The following TMEM62 variants were observed in gnomAD, a reference collection of about 807,000 sequenced individuals.
The protein encoded by TMEM62 is transmembrane protein 62.
TMEM62 carries 41 observed loss-of-function variants against 70.4 expected under a neutral mutation model. That is an observed-to-expected ratio of 0.58 (90% confidence interval 0.45 to 0.76). The LOEUF is 0.76. Among genes scored for constraint, TMEM62 ranks in the 30% least tolerant of loss-of-function variants. The pLI, the probability that TMEM62 is intolerant of heterozygous loss-of-function variation, is 0.00. For synonymous variants in TMEM62, 268 were observed against 291.0 expected (o/e 0.92, Z 0.80); for missense variants, 688 against 788.5 (o/e 0.87, Z 1.53).
intron 10 of TMEM62, among the ~76,000 whole-genome samples, chr15:43,163,511 G>A (rs185282976): frequency 5.9e-5 from 9 of 152,100 alleles, no homozygotes; most frequent in East Asian, 1.9e-4. Context: ...GGCCGGGCTC[G>A]GTGGCTCAAG....
rs546434659 is a variant in TMEM62 at position 43,133,973 on chromosome 15, G to A, written c.171G>A (p.Trp57Ter). Reference sequence around the variant, plus strand: ...GGCCCGGAGACAGCAACATCTTCTGGGGCCTGCAGGTGACGCGGCGGGAAG... The same window carrying A: ...GGCCCGGAGACAGCAACATCTTCTGAGGCCTGCAGGTGACGCGGCGGGAAG... ...APGPGDSNIF[W>*]GLQISDIHLS... Residue 57 changes from tryptophan to a stop codon, truncating the protein, a stop_gained, in exon 1 of 14, where the codon TGG becomes TGA. Coordinates refer to ENST00000260403, the MANE Select transcript of TMEM62 (RefSeq NM_024956.4). LOFTEE classifies it high-confidence loss of function. The A allele has an allele frequency of 2.1e-6, 3 of 1,446,880 alleles. No homozygotes were observed. Among genetic ancestry groups the A allele is most frequent in the African/African-American group, 2.9e-5 (2 of 69,350 alleles). 89.6% of individuals were successfully genotyped at this position (1,446,880 alleles called of 1,614,324 possible). A position where few individuals can be genotyped will look rare whatever the true frequency, so the allele number is the denominator to read the frequency against.
chr15:43,175,598 G>A (rs1268019634), intron 11 of TMEM62, among the ~76,000 whole-genome samples: 1 of 152,202 alleles, frequency 6.6e-6, no homozygotes, highest in Non-Finnish European at 1.5e-5. Flanking sequence ...TTTTGGCACT[G>A]TATTTTAAAA....
Position 43,146,561 on chromosome 15 carries a change from C to T in TMEM62, c.545C>T (p.Ser182Leu), listed in dbSNP as rs748241104. The change falls in exon 5 of 14, where the codon TCG (serine) becomes TTG (leucine). Residue 182 changes from serine (S) to leucine (L), a missense_variant. Transcript: ENST00000260403. ...YVHSTPFGNY[S>L]FICVDATVNP... ...CACAGTACTCCCTTTGGCAACTATT[C>T]GTTCATCTGTGTAGATGCCACTGTA... 15 of 1,613,540 alleles carry T rather than the reference C, an allele frequency of 9.3e-6. No homozygotes were observed. Among genetic ancestry groups the T allele is most frequent in the South Asian group, 3.3e-5 (3 of 91,062 alleles).
At chr15:43,166,782 T>A (rs1398576456) in intron 10 of TMEM62, among the ~76,000 whole-genome samples, 1 of 152,170 alleles carries the variant, frequency 6.6e-6, no homozygotes, top group Non-Finnish European at 1.5e-5. Context: ...ACAAAGCACA[T>A]CTTGCACCGC....
chr15:43,154,826 G>A lies in TMEM62; in HGVS notation c.1177G>A (p.Val393Ile), dbSNP rs755498179. Residue 393 changes from valine to isoleucine, a missense_variant, in exon 9 of 14, where the codon GTC becomes ATC. Val to Ile is a conservative substitution (Grantham distance 29). Transcript: ENST00000260403. ...SSGTHNIEVI[V>I]QDSAGRSKSV... ...TGGGACACATAACATAGAAGTAATC[G>A]TCCAGGTAAGTTAGTAATTTATATT... 162 of 1,597,468 alleles carry A rather than the reference G, an allele frequency of 1.0e-4. No individual in the cohort carries two copies. The highest frequency in any genetic ancestry group is 2.7e-4 in the East Asian group (12 of 44,540).
chr15:43,169,805 A>G, intron 11 of TMEM62, 128 bp downstream of exon 11: 1 of 701,294 alleles, frequency 1.4e-6, no homozygotes, highest in Admixed American at 2.9e-5. Context: ...CACAAACTCA[A>G]GAAGCCTTGA....
chr15:43,165,138 G>T (rs2039231188), intron 10 of TMEM62, among the ~76,000 whole-genome samples: 1 of 151,880 alleles, frequency 6.6e-6, no homozygotes, highest in South Asian at 2.1e-4. Flanking sequence ...ATTATTTTTT[G>T]AATAAACTTC....
At chr15:43,167,327 C>T (rs1299909220) in intron 10 of TMEM62, among the ~76,000 whole-genome samples, 9 of 151,488 alleles carry the variant, frequency 5.9e-5, no homozygotes, top group African/African-American at 1.9e-4. Flanking sequence ...ACTTCCCAGA[C>T]GGGGTGGCTG....
Position 43,133,610 on chromosome 15 carries a change from G to A in TMEM62, c.-193G>A. On this transcript the variant is annotated 5_prime_UTR_variant, in exon 1 of 14. The change creates a new upstream start codon in the 5' untranslated region. Coordinates refer to ENST00000260403, the MANE Select transcript of TMEM62 (RefSeq NM_024956.4). ...CACTTGCGCGGCCAGAGAGGGGCAG[G>A]TGCTGGGCGGCGGCTGACGGGCGCA... 1 of 386,650 alleles carries A rather than the reference G, an allele frequency of 2.6e-6. No homozygotes were observed. The highest frequency in any genetic ancestry group is 4.5e-6 in the Non-Finnish European group (1 of 220,550). The allele number at this position is 386,650 out of a possible 1,614,324, so 24.0% of individuals were successfully genotyped here. A position where few individuals can be genotyped will look rare whatever the true frequency, so the allele number is the denominator to read the frequency against.
At chr15:43,145,021 T>A (rs534753755) in intron 4 of TMEM62, among the ~76,000 whole-genome samples, 2 of 141,622 alleles carry the variant, frequency 1.4e-5, no homozygotes, top group African/African-American at 5.3e-5. Context: ...CTTAAAAATG[T>A]CCCAGAGAGG....
At chr15:43,163,895 T>C (rs910298052) in intron 10 of TMEM62, among the ~76,000 whole-genome samples, 5 of 152,234 alleles carry the variant, frequency 3.3e-5, no homozygotes, top group Admixed American at 1.3e-4. Flanking sequence ...TCCAGGATCT[T>C]ACTTTGAGAA....
In TMEM62 at chr15:43,139,831, C is replaced by CAT. The variant is rs572791034; in HGVS notation, c.476+1214_476+1215dup. Among the ~76,000 whole-genome samples the CAT allele has an allele frequency of 4.1e-4, 62 of 152,298 alleles. 1 individual carries two copies. In the South Asian group the frequency reaches 5.2e-3, roughly 13 times the overall value. Reference sequence around the variant, plus strand: ...GAGGTTTAAGGAAAGAAGTTAACTCCATAACATAAATATGCAGTGTGACGC... The same window carrying CAT: ...GAGGTTTAAGGAAAGAAGTTAACTCCATATAACATAAATATGCAGTGTGACGC... On this transcript the variant is annotated intron_variant, in intron 4 of 13. Coordinates refer to ENST00000260403, the MANE Select transcript of TMEM62 (RefSeq NM_024956.4).
At chr15:43,171,228 C>T (rs568451951) in intron 11 of TMEM62, among the ~76,000 whole-genome samples, 5 of 151,756 alleles carry the variant, frequency 3.3e-5, no homozygotes, top group African/African-American at 7.3e-5. Context: ...CCTAGCTACT[C>T]GGGAGGCTGA....
At chr15:43,157,440 G>T (rs2038176099) in intron 9 of TMEM62, among the ~76,000 whole-genome samples, 1 of 152,038 alleles carries the variant, frequency 6.6e-6, no homozygotes, top group South Asian at 2.1e-4. Flanking sequence ...GAAAAATCTA[G>T]ATTCCTGCTT....
intron 4 of TMEM62, among the ~76,000 whole-genome samples, chr15:43,143,406 T>C (rs1348644067): frequency 6.6e-6 from 1 of 152,242 alleles, no homozygotes; most frequent in Non-Finnish European, 1.5e-5. Flanking sequence ...AAAATTCATG[T>C]GACTCGCTTT....
At chr15:43,156,231 G>A (rs918512121) in intron 9 of TMEM62, among the ~76,000 whole-genome samples, 1 of 152,122 alleles carries the variant, frequency 6.6e-6, no homozygotes, top group Admixed American at 6.5e-5. Flanking sequence ...ACTATTTACT[G>A]AGCTCCCTCT....
chr15:43,134,891 G>A (rs1288224580), intron 2 of TMEM62, among the ~76,000 whole-genome samples: 2 of 152,144 alleles, frequency 1.3e-5, no homozygotes, highest in East Asian at 3.8e-4. Context: ...AAACTGTAAT[G>A]GGGAGAAGAA....
At position 43,134,263 on chromosome 15, in the gene TMEM62, G is replaced by A; in HGVS notation, c.187G>A (p.Asp63Asn). ...SNIFWGLQIS[D>N]IHLSRFRDPG... ...CAATACCTGTTTTCGGCAGATATCC[G>A]ACATTCACCTGAGCAGGTTTCGAGA... The change falls in exon 2 of 14, where the codon GAC becomes AAC. Residue 63 changes from aspartate to asparagine, a missense_variant. Asp to Asn is a conservative substitution (Grantham distance 23). Transcript: ENST00000260403. 1.2e-6 allele frequency: 2 copies of A among 1,614,020 alleles called. No homozygotes were observed. Among genetic ancestry groups the A allele is most frequent in the African/African-American group, 1.3e-5 (1 of 75,036 alleles).
chr15:43,133,903 C>G lies in TMEM62; in HGVS notation c.101C>G (p.Pro34Arg), dbSNP rs1256455376. Residue 34 changes from proline (P) to arginine (R), a missense_variant, in exon 1 of 14, where the codon CCG (proline) becomes CGG (arginine). Transcript: ENST00000260403. ...TACGGCCTGGCGGGCCAGCCCTCGC[C>G]GCTGCCGCGCCCCGCGCCCCCCAGG... ...EHYGLAGQPS[P>R]LPRPAPPRRP... 4.7e-6 allele frequency: 7 copies of G among 1,499,332 alleles called. No individual in the cohort carries two copies. Among genetic ancestry groups the G allele is most frequent in the Non-Finnish European group, 6.2e-6 (7 of 1,132,020 alleles). 92.9% of individuals were successfully genotyped at this position (1,499,332 alleles called of 1,614,324 possible).
Sources: gnomAD v4.1 joint callset for allele counts (sites outside exome capture counted in the v4.1 genomes callset) on GRCh38, gnomAD v4.1.1 for gene constraint, MANE v1.5 for transcripts, NCBI Gene and HGNC (gene_info 2026-07-23, HGNC 2026-07-21) for gene names.